VRK2: variants seen among roughly 807,000 people sequenced by gnomAD.
The protein encoded by VRK2 is serine/threonine-protein kinase VRK2.
Under a neutral mutation model 57.6 loss-of-function variants are expected in VRK2, and 60 were observed. The observed-to-expected ratio is 1.04, with a 90% CI of 0.85 to 1.29. The LOEUF is 1.29. VRK2 is among the 50% of genes most tolerant of loss of function. The pLI is 0.00. For missense variants in VRK2, 705 were observed against 588.1 expected, an observed-to-expected ratio of 1.20 and a Z score of -2.06; for synonymous variants, 231 against 199.2, an observed-to-expected ratio of 1.16 and a Z score of -1.35.
chr2:58,057,310 C>A (rs1046012385), intron 2 of VRK2, among the ~76,000 whole-genome samples: 2 of 152,058 alleles, frequency 1.3e-5, no homozygotes, highest in African/African-American at 4.8e-5. Flanking sequence ...TAGATAAATT[C>A]TTTTGTATCT....
intron 1 of VRK2, among the ~76,000 whole-genome samples, chr2:57,942,760 T>C (rs1671140129): frequency 6.6e-6 from 1 of 152,144 alleles, no homozygotes; most frequent in Admixed American, 6.5e-5. Flanking sequence ...AAATCAAAGG[T>C]TCAAATTTAA....
At chr2:57,941,673 T>C (rs1425485872) in intron 1 of VRK2, among the ~76,000 whole-genome samples, 1 of 152,206 alleles carries the variant, frequency 6.6e-6, no homozygotes. Flanking sequence ...TCATAAGCTT[T>C]TTTACTAAAG....
upstream of VRK2, among the ~76,000 whole-genome samples, chr2:58,043,726 G>A (rs192832235): frequency 1.3e-5 from 2 of 152,278 alleles, no homozygotes; most frequent in African/African-American, 4.8e-5. Flanking sequence ...TGTGGATACA[G>A]GTTTAGATTT....
At chr2:58,055,228 G>T (rs1676342934) in intron 2 of VRK2, among the ~76,000 whole-genome samples, 1 of 152,172 alleles carries the variant, frequency 6.6e-6, no homozygotes, top group Non-Finnish European at 1.5e-5. Flanking sequence ...CACACCTTCT[G>T]AATGGGCACA....
At chr2:58,079,227 C>A (rs997971082) in intron 2 of VRK2, among the ~76,000 whole-genome samples, 3 of 152,020 alleles carry the variant, frequency 2.0e-5, no homozygotes, top group African/African-American at 7.2e-5. Context: ...TATTGTATAT[C>A]ATTATTAGTG....
intron 1 of VRK2, among the ~76,000 whole-genome samples, chr2:57,923,341 C>T (rs531115582): frequency 6.6e-6 from 1 of 152,136 alleles, no homozygotes; most frequent in South Asian, 2.1e-4. Flanking sequence ...TTTACACTCC[C>T]ACCAATACTG....
intron 7 of VRK2, among the ~76,000 whole-genome samples, chr2:58,096,695 C>G (rs956981687): frequency 6.6e-6 from 1 of 151,398 alleles, no homozygotes; most frequent in Non-Finnish European, 1.5e-5. Context: ...GAGATTTTTT[C>G]TTTTTTCTTA....
rs1394584415 is a variant in VRK2 at position 58,084,944 on chromosome 2, G to A, written c.250G>A (p.Asp84Asn). 9 of 1,584,664 alleles carry A rather than the reference G, an allele frequency of 5.7e-6. No individual in the cohort carries two copies. Among genetic ancestry groups the A allele is most frequent in the Non-Finnish European group, 7.7e-6 (9 of 1,165,728 alleles). Residue 84 changes from aspartate to asparagine, a missense_variant, in exon 4 of 13, where the codon GAC (aspartate) becomes AAC (asparagine). Asp to Asn is a conservative substitution (Grantham distance 23). Coordinates refer to ENST00000340157, the MANE Select transcript of VRK2 (RefSeq NM_006296.7). The part of the protein sequence containing the change: ...LKFYQRVAKK[D>N]CIKKWIERKQ... ...ATTTTATCAGAGAGTTGCAAAAAAA[G>A]ACTGTAGTAAGTAAAATTAGCAAAG...
intron 2 of VRK2, among the ~76,000 whole-genome samples, chr2:58,074,711 G>A (rs1199639084): frequency 2.6e-5 from 4 of 151,676 alleles, no homozygotes; most frequent in African/African-American, 4.8e-5. Flanking sequence ...TTTCCTCTCT[G>A]GCACGGTTCA....
intron 4 of VRK2, among the ~76,000 whole-genome samples, 178 bp from the exon 5 acceptor site, chr2:58,086,161 G>A (rs2104179785): frequency 6.6e-6 from 1 of 151,210 alleles, no homozygotes; most frequent in South Asian, 2.1e-4. Flanking sequence ...CTAATTTTTT[G>A]TTAATTATAG....
At chr2:58,147,527 A>G (rs1415849498) in intron 12 of VRK2, among the ~76,000 whole-genome samples, 1 of 151,900 alleles carries the variant, frequency 6.6e-6, no homozygotes, top group Non-Finnish European at 1.5e-5. Flanking sequence ...TAAGTCCACC[A>G]AAATCACCTG....
Position 58,137,224 on chromosome 2 carries a change from C to CATATATATGATACATATATATAATAT in VRK2, c.856+2029_856+2030insATATGATACATATATATAATATATAT, listed in dbSNP as rs147019487. On this transcript the variant is annotated intron_variant, in intron 10 of 12. Coordinates refer to ENST00000340157, the MANE Select transcript of VRK2 (RefSeq NM_006296.7). The stretch of plus-strand genomic sequence containing the variant: ...TATCTCATATATGATACATATATAT[C>CATATATATGATACATATATATAATAT]ATATGATACATATATATCATATATA... Among the ~76,000 whole-genome samples, 2 of 65,142 alleles carry CATATATATGATACATATATATAATAT rather than the reference C, an allele frequency of 3.1e-5. 1 individual carries two copies. Among genetic ancestry groups the CATATATATGATACATATATATAATAT allele is most frequent in the African/African-American group, 1.7e-4 (2 of 11,908 alleles). The allele number at this position is 65,142 out of a possible 152,430, so 42.7% of individuals were successfully genotyped here.
In VRK2 at chr2:58,066,309, A is replaced by G. The variant is rs557531037; in HGVS notation, c.136+17342A>G. Among the ~76,000 whole-genome samples, 7 of 152,256 alleles carry G rather than the reference A, an allele frequency of 4.6e-5. No homozygotes were observed. In the East Asian group the frequency reaches 9.7e-4, roughly 21 times the overall value. On this transcript the variant is annotated intron_variant, in intron 2 of 12. Transcript: ENST00000340157. ...CATAAAAGGGTGTTGAATTTTGTCA[A>G]TTGCCTTTTCTACTTCAATTGATAT...
At position 58,135,145 on chromosome 2, in the gene VRK2, T is replaced by C; in HGVS notation, c.802T>C (p.Leu268=). ...VAVQTAKTNL[L]DELPQSVLKW... Reference sequence around the variant, plus strand: ...CATTACCTTATTTTGTTTTAGTCTGTTGGACGAGCTCCCCCAGTCAGTGCT... The same window carrying C: ...CATTACCTTATTTTGTTTTAGTCTGCTGGACGAGCTCCCCCAGTCAGTGCT... Residue 268 remains leucine (L), a synonymous_variant, in exon 10 of 13, where the codon TTG becomes CTG. Transcript: ENST00000340157. 6.2e-7 allele frequency: 1 copy of C among 1,614,154 alleles called. No homozygotes were observed.
chr2:58,115,721 A>T (rs928561980), intron 7 of VRK2, among the ~76,000 whole-genome samples: 4 of 151,892 alleles, frequency 2.6e-5, no homozygotes, highest in Non-Finnish European at 5.9e-5. Context: ...GAATTATGCC[A>T]AGATAGGTAA....
intron 3 of VRK2, 145 bp downstream of exon 3, chr2:58,084,283 T>A: frequency 1.2e-6 from 1 of 813,502 alleles, no homozygotes. Flanking sequence ...GTTAAAACAT[T>A]AAAACTGGAG....
chr2:58,022,736 A>T (rs1202111443), intron 1 of VRK2, among the ~76,000 whole-genome samples: 1 of 152,100 alleles, frequency 6.6e-6, no homozygotes, highest in Non-Finnish European at 1.5e-5. Context: ...TTAGCTAAGC[A>T]TGGTGGCCCT....
intron 7 of VRK2, among the ~76,000 whole-genome samples, chr2:58,092,163 T>C (rs1396036022): frequency 6.6e-6 from 1 of 152,198 alleles, no homozygotes; most frequent in East Asian, 1.9e-4. Context: ...AAAAGTTCTC[T>C]CATTCCTGTT....
intron 1 of VRK2, among the ~76,000 whole-genome samples, chr2:57,999,999 C>G (rs1199518085): frequency 2.6e-5 from 4 of 152,060 alleles, no homozygotes; most frequent in Non-Finnish European, 5.9e-5. Context: ...AATACACACA[C>G]ACATGCACAC....
Sources: gnomAD v4.1 joint callset for allele counts (sites outside exome capture counted in the v4.1 genomes callset) on GRCh38, gnomAD v4.1.1 for gene constraint, MANE v1.5 for transcripts, NCBI Gene and HGNC (gene_info 2026-07-23, HGNC 2026-07-21) for gene names.